ARMH3: variants seen among roughly 807,000 people sequenced by gnomAD.
ARMH3 encodes the protein armadillo like helical domain containing 3.
ARMH3 carries 60 observed loss-of-function variants against 99.1 expected under a neutral mutation model. The ratio of observed to expected loss-of-function variants is 0.61; its 90% confidence interval spans 0.49 to 0.75. The LOEUF (loss-of-function observed/expected upper bound fraction) is 0.75. Ranked by LOEUF, ARMH3 falls within the 30% of genes least tolerant of loss-of-function variation. ARMH3 has a pLI of 0.00. For missense variants in ARMH3, 679 were observed against 843.1 expected, an observed-to-expected ratio of 0.81 and a Z score of 2.41; for synonymous variants, 285 against 292.8, an observed-to-expected ratio of 0.97 and a Z score of 0.27.
chr10:101,864,222 C>G lies in ARMH3; in HGVS notation c.1861-14330G>C, dbSNP rs1284770670. Among the ~76,000 whole-genome samples the G allele has an allele frequency of 4.6e-5, 7 of 151,930 alleles. No homozygotes were observed. The East Asian group carries it at 1.4e-3, about 29-fold the overall frequency. On this transcript the variant is annotated intron_variant, in intron 24 of 25. Transcript: ENST00000370033. Reference sequence around the variant, plus strand: ...TACCATCTCATACCAGTTAGAATGGCGATCATTAAAAAGTCAGGAAACAGG... The same window carrying G: ...TACCATCTCATACCAGTTAGAATGGGGATCATTAAAAAGTCAGGAAACAGG...
chr10:101,952,062 C>A (rs903562649), intron 22 of ARMH3, among the ~76,000 whole-genome samples: 8 of 152,120 alleles, frequency 5.3e-5, no homozygotes, highest in Admixed American at 4.6e-4. Flanking sequence ...AGCTTAACCT[C>A]CCTGTCCCCC....
intron 19 of ARMH3, among the ~76,000 whole-genome samples, chr10:101,986,277 C>T (rs1846497094): frequency 6.6e-6 from 1 of 152,018 alleles, no homozygotes; most frequent in South Asian, 2.1e-4. Flanking sequence ...TCCAAGTTTT[C>T]GATGTAAGAG....
intron 24 of ARMH3, among the ~76,000 whole-genome samples, chr10:101,875,749 G>A (rs1054397008): frequency 3.9e-5 from 6 of 152,164 alleles, no homozygotes; most frequent in African/African-American, 1.2e-4. Flanking sequence ...TGGTTAAAAG[G>A]GTGGTGACAT....
At chr10:101,863,561 A>C (rs1371552424) in intron 24 of ARMH3, among the ~76,000 whole-genome samples, 1 of 152,170 alleles carries the variant, frequency 6.6e-6, no homozygotes, top group Non-Finnish European at 1.5e-5. Context: ...AAATATACAT[A>C]TATATTAGAA....
At chr10:102,037,800 G>A (rs1027198041) in intron 2 of ARMH3, among the ~76,000 whole-genome samples, 29 of 152,090 alleles carry the variant, frequency 1.9e-4, no homozygotes, top group African/African-American at 7.0e-4. Flanking sequence ...TGTTGCCCGA[G>A]ATGGTCTCAA....
intron 15 of ARMH3, among the ~76,000 whole-genome samples, chr10:101,998,184 G>C (rs183594645): frequency 2.0e-5 from 3 of 152,320 alleles, no homozygotes. Context: ...AGTTCACTGT[G>C]TTATATCCGG....
At chr10:102,029,460 A>C in intron 5 of ARMH3, 178 bp downstream of exon 5, 1 of 1,547,500 alleles carries the variant, frequency 6.5e-7, no homozygotes, top group Non-Finnish European at 8.7e-7. Flanking sequence ...TGAATTTAAA[A>C]TTTTCCTTTA....
At chr10:101,913,437 C>T (rs929712520) in intron 23 of ARMH3, among the ~76,000 whole-genome samples, 1 of 149,172 alleles carries the variant, frequency 6.7e-6, no homozygotes, top group African/African-American at 2.5e-5. Context: ...GCCACCACAG[C>T]TCGCTGCAGC....
chr10:102,053,647 T>C (rs1249454917), intron 1 of ARMH3, among the ~76,000 whole-genome samples: 1 of 152,068 alleles, frequency 6.6e-6, no homozygotes, highest in African/African-American at 2.4e-5. Flanking sequence ...AGTATTCCCA[T>C]TACACTGTAT....
intron 24 of ARMH3, among the ~76,000 whole-genome samples, chr10:101,863,549 A>T (rs1183741601): frequency 3.3e-5 from 5 of 152,328 alleles, no homozygotes; most frequent in East Asian, 1.9e-4. Context: ...ATGCAAATTT[A>T]AAAATATACA....
intron 2 of ARMH3, among the ~76,000 whole-genome samples, chr10:102,038,529 T>G (rs2067333575): frequency 6.6e-6 from 1 of 152,128 alleles, no homozygotes. Flanking sequence ...GTGGACTGAA[T>G]TATTTATTCT....
intron 23 of ARMH3, among the ~76,000 whole-genome samples, chr10:101,910,911 G>A (rs572880103): frequency 2.6e-5 from 4 of 151,912 alleles, no homozygotes; most frequent in Admixed American, 6.6e-5. Flanking sequence ...AGGCCAAGGC[G>A]GATGGACCAC....
chr10:101,912,721 C>CA (rs1842921238), intron 23 of ARMH3, among the ~76,000 whole-genome samples: 1 of 152,196 alleles, frequency 6.6e-6, no homozygotes, highest in South Asian at 2.1e-4. Context: ...GAGGTGGTGA[C>CA]AGCAGACATC....
intron 23 of ARMH3, among the ~76,000 whole-genome samples, chr10:101,937,145 T>C (rs1178456860): frequency 6.6e-6 from 1 of 152,228 alleles, no homozygotes; most frequent in East Asian, 1.9e-4. Flanking sequence ...TAACCCTCCA[T>C]GTTAAGTCTT....
chr10:102,001,179 T>C (rs1018232823), intron 15 of ARMH3, among the ~76,000 whole-genome samples: 1 of 152,176 alleles, frequency 6.6e-6, no homozygotes, highest in Admixed American at 6.5e-5. Context: ...CATTTAAATA[T>C]GGTTAAGATG....
chr10:101,973,034 G>T (rs187885187), intron 20 of ARMH3, among the ~76,000 whole-genome samples: 3 of 152,290 alleles, frequency 2.0e-5, no homozygotes, highest in South Asian at 2.1e-4. Flanking sequence ...AGTCAGAAAA[G>T]ATAAATATAA....
chr10:101,872,416 G>A (rs1321558502), intron 24 of ARMH3, among the ~76,000 whole-genome samples: 2 of 152,200 alleles, frequency 1.3e-5, no homozygotes, highest in Non-Finnish European at 2.9e-5. Context: ...AGCTGCTCTA[G>A]CCGGGCACAG....
intron 19 of ARMH3, among the ~76,000 whole-genome samples, chr10:101,985,315 C>T (rs7477515): frequency 6.8e-6 from 1 of 147,336 alleles, no homozygotes; most frequent in Non-Finnish European, 1.5e-5. Flanking sequence ...CATGTATATA[C>T]ATATATATAT....
chr10:101,942,730 G>A (rs1356580505), intron 22 of ARMH3, among the ~76,000 whole-genome samples: 2 of 152,112 alleles, frequency 1.3e-5, no homozygotes, highest in Non-Finnish European at 2.9e-5. Context: ...GCTGGGTGCC[G>A]TGGCACATGC....
Sources: allele counts gnomAD v4.1 joint callset (sites outside exome capture counted in the v4.1 genomes callset), GRCh38; gene constraint gnomAD v4.1.1; transcripts MANE v1.5; gene names NCBI Gene and HGNC (gene_info 2026-07-23, HGNC 2026-07-21).